The following CCDC57 variants were observed in gnomAD, a reference collection of about 807,000 sequenced individuals.
CCDC57 encodes the protein coiled-coil domain-containing protein 57.
CCDC57 carries 118 observed loss-of-function variants against 118.9 expected under a neutral mutation model. That is an observed-to-expected ratio of 0.99 (90% CI 0.86 to 1.16). The LOEUF (loss-of-function observed/expected upper bound fraction) is 1.16, where lower values mean the gene tolerates loss of function less well. Among genes scored for constraint, CCDC57 ranks in the 50% most tolerant of loss-of-function variants. The pLI is 0.00. For synonymous variants in CCDC57, 527 were observed against 532.9 expected (o/e 0.99, Z 0.15); for missense variants, 1,300 against 1,320.7 (o/e 0.98, Z 0.24).
intron 2 of CCDC57, among the ~76,000 whole-genome samples, chr17:82,207,338 T>TAA (rs956088417): frequency 8.1e-6 from 1 of 123,714 alleles, no homozygotes; most frequent in Non-Finnish European, 1.7e-5. Flanking sequence ...GTCTCAAAAA[T>TAA]AAAAAAAAAA....
At chr17:82,104,224 T>C (rs1045044503) in intron 19 of CCDC57, among the ~76,000 whole-genome samples, 1 of 152,236 alleles carries the variant, frequency 6.6e-6, no homozygotes, top group Non-Finnish European at 1.5e-5. Context: ...GGGATTTCTC[T>C]TTCTGCGTTG....
At chr17:82,153,321 T>C (rs2042289692) in intron 15 of CCDC57, 1 of 152,230 alleles carries the variant, frequency 6.6e-6, no homozygotes, top group Non-Finnish European at 1.5e-5. Flanking sequence ...TTTTGTTATT[T>C]TAACTGAAGA....
Position 82,172,612 on chromosome 17 carries a change from T to C in CCDC57, c.1729+26A>G. On this transcript the variant is annotated intron_variant, in intron 12 of 19. Transcript: ENST00000665763. The surrounding 1 kb of genome is among the most constrained non-coding windows in gnomAD (Gnocchi z 5.2). ...CTCCCTCTCCCCCTTCCTCTCCCGC[T>C]CTGTCCGTTTCTCCCACTTACTCAC... 6.5e-7 allele frequency: 1 copy of C among 1,542,516 alleles called. No individual in the cohort carries two copies. Among genetic ancestry groups the C allele is most frequent in the Admixed American group, 2.0e-5 (1 of 50,980 alleles).
rs758647824 is a variant in CCDC57 at position 82,178,471 on chromosome 17, C to T, written c.1506+3G>A. 5 of 1,604,632 alleles carry T rather than the reference C, an allele frequency of 3.1e-6. No homozygotes were observed. In the Admixed American group the frequency reaches 8.6e-5, roughly 28 times the overall value. On this transcript the variant is annotated splice_donor_region_variant and intron_variant, in intron 11 of 19. Coordinates refer to ENST00000665763, the Ensembl canonical transcript of CCDC57. ...TTTCAAAGAGCCGACTGGGTACTCT[C>T]ACCTGTGCCCCTGGTCTGGGGAGCC...
chr17:82,130,922 CT>C (rs1368162159), intron 17 of CCDC57, among the ~76,000 whole-genome samples: 1 of 151,494 alleles, frequency 6.6e-6, no homozygotes, highest in Non-Finnish European at 1.5e-5. Context: ...AGTGATTCTC[CT>C]GGCTCAGCCT....
At chr17:82,151,889 G>C (rs1362165798) in intron 15 of CCDC57, 116 bp from the exon 15 acceptor site, 1 of 820,030 alleles carries the variant, frequency 1.2e-6, no homozygotes, top group Non-Finnish European at 1.9e-6. Flanking sequence ...ACTGCTGGCT[G>C]TCACTGGGTG....
intron 14 of CCDC57, among the ~76,000 whole-genome samples, chr17:82,159,617 T>G (rs961277173): frequency 2.6e-5 from 4 of 152,100 alleles, no homozygotes; most frequent in African/African-American, 9.7e-5. Flanking sequence ...AGTGTGGGCA[T>G]GTTTCAAAAC....
chr17:82,157,591 T>C, intron 15 of CCDC57, 157 bp downstream of exon 14: 2 of 1,433,742 alleles, frequency 1.4e-6, no homozygotes, highest in East Asian at 2.5e-5. Context: ...GGAGAGGGGG[T>C]GGAGCAGGGC....
chr17:82,101,931 A>G, intron 19 of CCDC57, 65 bp from the exon 19 acceptor site: 1 of 1,430,110 alleles, frequency 7.0e-7, no homozygotes, highest in Non-Finnish European at 9.3e-7. Flanking sequence ...GGCTGTGCTC[A>G]CAGGCACTGC....
At chr17:82,103,686 G>A (rs890357943) in intron 19 of CCDC57, among the ~76,000 whole-genome samples, 8 of 152,218 alleles carry the variant, frequency 5.3e-5, no homozygotes, top group East Asian at 1.9e-4. Context: ...AGCCTGTGGG[G>A]ATTTTCAGAA....
intron 17 of CCDC57, among the ~76,000 whole-genome samples, chr17:82,133,304 G>A (rs1285843777): frequency 1.3e-5 from 2 of 151,824 alleles, no homozygotes; most frequent in African/African-American, 4.8e-5. Context: ...AGCCTAGGAA[G>A]CCGAGGCTGC....
chr17:82,159,677 T>A (rs1254927205), intron 14 of CCDC57, among the ~76,000 whole-genome samples: 2 of 44,508 alleles, frequency 4.5e-5, no homozygotes, highest in Admixed American at 3.5e-4. Context: ...TCATTTTCTT[T>A]TTTTTTTTTT....
At chr17:82,139,361 ATTTT>A (rs2039714472) in intron 16 of CCDC57, among the ~76,000 whole-genome samples, 1 of 152,084 alleles carries the variant, frequency 6.6e-6, no homozygotes, top group Non-Finnish European at 1.5e-5. Context: ...TTTTATTTTT[ATTTT>A]TTGAGACGAA....
chr17:82,172,542 C>A lies in CCDC57; in HGVS notation c.1729+96G>T. 1 of 1,037,626 alleles carries A rather than the reference C, an allele frequency of 9.6e-7. No individual in the cohort carries two copies. The highest frequency in any genetic ancestry group is 1.5e-6 in the Non-Finnish European group (1 of 688,752). The allele number at this position is 1,037,626 out of a possible 1,614,324, so 64.3% of individuals were successfully genotyped here. On this transcript the variant is annotated intron_variant, in intron 12 of 19. Coordinates refer to ENST00000665763, the Ensembl canonical transcript of CCDC57. This position sits in a 1 kb window ranked among gnomAD's most constrained non-coding sequence, Gnocchi z 5.2. ...AACTTATAGGACTCTGAAATGAAGC[C>A]TCCTTGAAGCCAGTCAAGACCCATG...
intron 8 of CCDC57, 90 bp downstream of exon 7, chr17:82,188,127 CTT>C: frequency 8.9e-7 from 1 of 1,129,336 alleles, no homozygotes; most frequent in Non-Finnish European, 1.2e-6. Context: ...GCCTGGCCCC[CTT>C]TCCTGTGGTC....
At chr17:82,105,708 G>A (rs2034798545) in intron 19 of CCDC57, among the ~76,000 whole-genome samples, 1 of 149,170 alleles carries the variant, frequency 6.7e-6, no homozygotes, top group South Asian at 2.1e-4. Flanking sequence ...TGGGGTACAG[G>A]GGGAGGGAGG....
intron 19 of CCDC57, among the ~76,000 whole-genome samples, chr17:82,110,493 T>C (rs1381851532): frequency 6.6e-6 from 1 of 152,142 alleles, no homozygotes; most frequent in African/African-American, 2.4e-5. Flanking sequence ...CGGGGACTGG[T>C]TGGCTTGAGT....
intron 19 of CCDC57, chr17:82,126,245 A>G: frequency 2.6e-6 from 1 of 391,772 alleles, no homozygotes; most frequent in Non-Finnish European, 3.5e-6. Flanking sequence ...GCGCCATTGC[A>G]CTCCAGCCCG....
At chr17:82,109,989 T>G (rs530458655) in intron 19 of CCDC57, among the ~76,000 whole-genome samples, 1 of 151,462 alleles carries the variant, frequency 6.6e-6, no homozygotes, top group Non-Finnish European at 1.5e-5. Context: ...AGTCTGTTTT[T>G]TTTTTTTTTG....
Sources: gnomAD v4.1 joint callset for allele counts (sites outside exome capture counted in the v4.1 genomes callset) on GRCh38, gnomAD v4.1.1 for gene constraint, Gnocchi (gnomAD v3.1) non-coding constraint, MANE v1.5 for transcripts, NCBI Gene and HGNC (gene_info 2026-07-23, HGNC 2026-07-21) for gene names.